Variants in GNAT3 observed in about 807,000 individuals in gnomAD.
The protein encoded by GNAT3 is guanine nucleotide-binding protein G(t) subunit alpha-3.
In GNAT3, 31 loss-of-function variants were observed where a neutral mutation model predicts 37.7. That is an observed-to-expected ratio of 0.82 (90% CI 0.62 to 1.11). GNAT3 has a LOEUF of 1.11. Ranked by LOEUF, GNAT3 falls within the 50% of genes most tolerant of loss-of-function variation. The probability of loss-of-function intolerance (pLI) is 0.00; values close to 1 mark genes in which losing one functional copy is unlikely to be tolerated. For synonymous variants in GNAT3, 138 were observed against 139.8 expected (o/e 0.99, Z 0.09); for missense variants, 437 against 412.5 (o/e 1.06, Z -0.51).
At chr7:80,503,858 G>A (rs1321770394) in intron 1 of GNAT3, among the ~76,000 whole-genome samples, 2 of 152,312 alleles carry the variant, frequency 1.3e-5, no homozygotes, top group East Asian at 3.9e-4. Flanking sequence ...GTTCTGTTAT[G>A]AGGTCCTCAA....
At chr7:80,482,652 T>G (rs2116178898) in intron 3 of GNAT3, among the ~76,000 whole-genome samples, 1 of 150,940 alleles carries the variant, frequency 6.6e-6, no homozygotes, top group African/African-American at 2.4e-5. Flanking sequence ...TAGCTGAGAC[T>G]ACAGGTGCAC....
At chr7:80,488,721 T>C in intron 2 of GNAT3, 45 bp from the exon 3 acceptor site, 1 of 1,419,376 alleles carries the variant, frequency 7.0e-7, no homozygotes, top group Non-Finnish European at 9.7e-7. Context: ...AATAATTGAT[T>C]GTAACACTAA....
At chr7:80,502,072 C>T (rs974527435) in intron 1 of GNAT3, among the ~76,000 whole-genome samples, 16 of 151,698 alleles carry the variant, frequency 1.1e-4, no homozygotes, top group Admixed American at 1.3e-4. Context: ...CAATAATGTA[C>T]TGGATACTTA....
chr7:80,466,095 GA>G (rs1440719637), intron 5 of GNAT3, among the ~76,000 whole-genome samples: 1 of 151,960 alleles, frequency 6.6e-6, no homozygotes, highest in Admixed American at 6.6e-5. Flanking sequence ...CTCAGGGGGG[GA>G]AAATAAAAAA....
intron 4 of GNAT3, 49 bp from the exon 5 acceptor site, chr7:80,474,428 T>A (rs1194886190): frequency 3.7e-6 from 3 of 804,630 alleles, no homozygotes; most frequent in Non-Finnish European, 5.9e-6. Flanking sequence ...AATACATAAA[T>A]ACATACATAT....
chr7:80,482,501 G>GT (rs1353945400), intron 3 of GNAT3, among the ~76,000 whole-genome samples: 3 of 146,932 alleles, frequency 2.0e-5, no homozygotes, highest in African/African-American at 7.5e-5. Flanking sequence ...TTTCTTTTTT[G>GT]TTTTTTTGTT....
At chr7:80,505,401 T>G (rs140203032) in intron 1 of GNAT3, among the ~76,000 whole-genome samples, 3,059 of 152,320 alleles carry the variant, frequency 0.02, 101 homozygotes, top group African/African-American at 0.069. Flanking sequence ...AGAGTCTCAC[T>G]CTGTGCCCAG....
intron 7 of GNAT3, among the ~76,000 whole-genome samples, chr7:80,460,567 G>A (rs1194394039): frequency 6.6e-6 from 1 of 152,122 alleles, no homozygotes; most frequent in Non-Finnish European, 1.5e-5. Flanking sequence ...GGCCAACATG[G>A]TGAAATCCCG....
intron 1 of GNAT3, among the ~76,000 whole-genome samples, chr7:80,507,126 G>A (rs1790960262): frequency 6.6e-6 from 1 of 151,824 alleles, no homozygotes; most frequent in South Asian, 2.1e-4. Context: ...GATCAGAAGG[G>A]GACTTATTGG....
chr7:80,478,491 G>T lies in GNAT3; in HGVS notation c.461+350C>A, dbSNP rs150153896. Among the ~76,000 whole-genome samples, 4 of 152,262 alleles carry T rather than the reference G, an allele frequency of 2.6e-5. No individual in the cohort carries two copies. In the East Asian group the frequency reaches 5.8e-4, roughly 22 times the overall value. On this transcript the variant is annotated intron_variant, in intron 4 of 7. Coordinates refer to ENST00000398291, the MANE Select transcript of GNAT3 (RefSeq NM_001102386.3). ...TGATTTCACTAATATGGATAGAGAT[G>T]AAATGAATAGCCCAAAACCTCAGTG...
intron 5 of GNAT3, among the ~76,000 whole-genome samples, chr7:80,470,012 T>G (rs1372959735): frequency 6.6e-6 from 1 of 152,162 alleles, no homozygotes; most frequent in Non-Finnish European, 1.5e-5. Flanking sequence ...TTTCCAAATT[T>G]TATTGTTTAA....
Position 80,488,574 on chromosome 7 carries a change from C to T in GNAT3, c.264G>A (p.Met88Ile), listed in dbSNP as rs369453320. Residue 88 changes from methionine to isoleucine, a missense_variant, in exon 3 of 8, where the codon ATG becomes ATA. Coordinates refer to ENST00000398291, the MANE Select transcript of GNAT3 (RefSeq NM_001102386.3). ...TTACATAATCAATTCCAAGGGTAGT[C>T]ATGGCTTTCACAATAGCTAGGATGG... Reference protein sequence around the residue: ...LQSILAIVKAMTTLGIDYVNP... With the variant: ...LQSILAIVKAITTLGIDYVNP... 15 of 1,600,608 alleles carry T rather than the reference C, an allele frequency of 9.4e-6. No homozygotes were observed. The African/African-American group carries it at 1.9e-4, about 20-fold the overall frequency.
chr7:80,497,238 C>G (rs73709182), intron 1 of GNAT3, among the ~76,000 whole-genome samples: 16,661 of 152,004 alleles, frequency 0.11, 1,001 homozygotes, highest in African/African-American at 0.16. Flanking sequence ...AATCATCTTG[C>G]CCATTTTCCG....
intron 1 of GNAT3, among the ~76,000 whole-genome samples, chr7:80,511,181 A>G (rs1407750051): frequency 2.0e-5 from 3 of 152,294 alleles, no homozygotes; most frequent in South Asian, 2.1e-4. Flanking sequence ...AAGAAGGAAA[A>G]AAAAATAAAA....
At chr7:80,493,066 A>G (rs556578305) in intron 2 of GNAT3, among the ~76,000 whole-genome samples, 1 of 152,150 alleles carries the variant, frequency 6.6e-6, no homozygotes, top group Admixed American at 6.5e-5. Flanking sequence ...CATATTTATT[A>G]TAAATTTTTT....
intron 5 of GNAT3, among the ~76,000 whole-genome samples, chr7:80,469,931 G>T (rs1433687341): frequency 6.6e-6 from 1 of 151,952 alleles, no homozygotes; most frequent in Non-Finnish European, 1.5e-5. Context: ...ACTTAAAACT[G>T]TATTTAAATA....
intron 5 of GNAT3, among the ~76,000 whole-genome samples, chr7:80,470,369 G>A (rs1790191669): frequency 1.3e-5 from 2 of 152,124 alleles, no homozygotes; most frequent in Non-Finnish European, 2.9e-5. Flanking sequence ...TTACTGGGGT[G>A]TGCCACCATG....
rs1226158137 is a variant in GNAT3, at chr7:80,478,844, G to T, written c.458C>A (p.Ala153Asp). 1 of 1,612,570 alleles carries T rather than the reference G, an allele frequency of 6.2e-7. No individual in the cohort carries two copies. The highest frequency in any genetic ancestry group is 8.5e-7 in the Non-Finnish European group (1 of 1,179,102). The change falls in exon 4 of 8, where the codon GCT (alanine) becomes GAT (aspartate). Residue 153 changes from alanine (A) to aspartate (D), a missense_variant. Coordinates refer to ENST00000398291, the MANE Select transcript of GNAT3 (RefSeq NM_001102386.3). ...ASEYQLNDSAAYYLNDLDRIT... is the reference protein window; with the variant it reads ...ASEYQLNDSADYYLNDLDRIT... ...CCCTTAAAGTGAATTCACTTACTAA[G>T]CTGCTGAGTCATTGAGCTGATATTC...
In GNAT3 at chr7:80,488,493, C is replaced by T. The variant is rs764911644; in HGVS notation, c.303+42G>A. On this transcript the variant is annotated intron_variant, in intron 3 of 7. Coordinates refer to ENST00000398291, the MANE Select transcript of GNAT3 (RefSeq NM_001102386.3). ...AAGTCCTCTTATTTTATGGCTCAAA[C>T]TCTATTGCAGGACATACAGCTGTCA... is the stretch of plus-strand genomic sequence containing the variant. 1.0e-4 allele frequency: 157 copies of T among 1,537,660 alleles called. 1 individual carries two copies. Among genetic ancestry groups the T allele is most frequent in the East Asian group, 5.7e-4 (25 of 43,552 alleles).
Sources: gnomAD v4.1 joint callset for allele counts (sites outside exome capture counted in the v4.1 genomes callset) on GRCh38, gnomAD v4.1.1 for gene constraint, MANE v1.5 for transcripts, NCBI Gene and HGNC (gene_info 2026-07-23, HGNC 2026-07-21) for gene names.